Variants in ZNF385D observed in about 807,000 individuals in gnomAD.
ZNF385D encodes zinc finger protein 385D.
Under a neutral mutation model 35.8 loss-of-function variants are expected in ZNF385D, and 15 were observed. That is an observed-to-expected ratio of 0.42 (90% CI 0.28 to 0.64). The LOEUF is 0.64. Ranked by LOEUF, ZNF385D falls within the 30% of genes least tolerant of loss-of-function variation. The probability of loss-of-function intolerance (pLI) is 0.23; values close to 1 mark genes in which losing one functional copy is unlikely to be tolerated. For missense variants in ZNF385D, 474 were observed against 494.6 expected (o/e 0.96, Z 0.39); for synonymous variants, 212 against 186.8 (o/e 1.13, Z -1.10).
intron 3 of ZNF385D, among the ~76,000 whole-genome samples, chr3:21,920,603 G>T (rs1700408182): frequency 7.4e-6 from 1 of 134,260 alleles, no homozygotes; most frequent in Non-Finnish European, 1.6e-5. Flanking sequence ...TAAGAAGAGG[G>T]TTGATGATGA....
intron 3 of ZNF385D, among the ~76,000 whole-genome samples, chr3:22,000,543 CTCTG>C (rs1258739396): frequency 5.3e-5 from 8 of 151,976 alleles, no homozygotes; most frequent in African/African-American, 1.9e-4. Context: ...TTGGGGGTTG[CTCTG>C]TCTATGGAAT....
chr3:21,935,211 T>A (rs991880890), intron 3 of ZNF385D, among the ~76,000 whole-genome samples: 3 of 152,190 alleles, frequency 2.0e-5, no homozygotes, highest in Admixed American at 2.0e-4. Flanking sequence ...GCCATTGATA[T>A]TAGCAATTAA....
At chr3:21,721,434 A>G (rs1052288434) in intron 1 of ZNF385D, among the ~76,000 whole-genome samples, 2 of 152,108 alleles carry the variant, frequency 1.3e-5, no homozygotes, top group Non-Finnish European at 2.9e-5. Flanking sequence ...AGAAGAGAGC[A>G]TCAACATTTG....
intron 4 of ZNF385D, among the ~76,000 whole-genome samples, chr3:21,495,296 C>T (rs56179967): frequency 0.08 from 12,107 of 151,672 alleles, 515 homozygotes; most frequent in South Asian, 0.086. Flanking sequence ...TTCTTTCTAG[C>T]TTTACCTAAT....
chr3:22,268,872 T>TGG (rs2125357754), intron 2 of ZNF385D, among the ~76,000 whole-genome samples: 1 of 151,990 alleles, frequency 6.6e-6, no homozygotes, highest in South Asian at 2.1e-4. Flanking sequence ...TTTCCTTATC[T>TGG]GGAAAATAGT....
rs9871246 is a variant in ZNF385D at position 21,639,882 on chromosome 3, A to G, written c.165+25004T>C. Among the ~76,000 whole-genome samples the G allele has an allele frequency of 5.9e-3, 894 of 152,162 alleles. 10 individuals carry two copies. The highest frequency in any genetic ancestry group is 0.02 in the African/African-American group (818 of 41,548). Reference sequence around the variant, plus strand: ...AGAAATTCCTTTACCATACTATTGTAGTCCAGAAAAAAGAAAATTGAGACC... The same window carrying G: ...AGAAATTCCTTTACCATACTATTGTGGTCCAGAAAAAAGAAAATTGAGACC... On this transcript the variant is annotated intron_variant, in intron 2 of 7. Coordinates refer to ENST00000281523, the MANE Select transcript of ZNF385D (RefSeq NM_024697.3).
At chr3:21,575,428 C>T (rs970881908) in intron 2 of ZNF385D, among the ~76,000 whole-genome samples, 3 of 152,146 alleles carry the variant, frequency 2.0e-5, no homozygotes, top group African/African-American at 4.8e-5. Flanking sequence ...TAAATCAGGT[C>T]AAACCCAAAT....
intron 3 of ZNF385D, among the ~76,000 whole-genome samples, chr3:21,834,446 A>C (rs577295708): frequency 6.6e-6 from 1 of 152,242 alleles, no homozygotes; most frequent in South Asian, 2.1e-4. Flanking sequence ...TTCTTTCACA[A>C]AATTTGAATA....
intron 3 of ZNF385D, among the ~76,000 whole-genome samples, chr3:22,129,281 A>G (rs1703633099): frequency 6.6e-6 from 1 of 152,168 alleles, no homozygotes; most frequent in South Asian, 2.1e-4. Context: ...GTGCCTCGTC[A>G]TACCTGAAAC....
intron 3 of ZNF385D, among the ~76,000 whole-genome samples, chr3:21,766,296 G>C (rs1394729778): frequency 6.6e-6 from 1 of 152,048 alleles, no homozygotes; most frequent in Non-Finnish European, 1.5e-5. Context: ...TGTATGTTTT[G>C]ATGGTCAAAC....
At chr3:22,345,539 A>G (rs1695619372) in intron 2 of ZNF385D, among the ~76,000 whole-genome samples, 1 of 152,232 alleles carries the variant, frequency 6.6e-6, no homozygotes, top group South Asian at 2.1e-4. Flanking sequence ...AGACAGGCAC[A>G]TCCCCTGCTA....
chr3:22,026,051 G>A (rs1426640579), intron 3 of ZNF385D, among the ~76,000 whole-genome samples: 1 of 152,118 alleles, frequency 6.6e-6, no homozygotes, highest in Non-Finnish European at 1.5e-5. Context: ...GACTCGAGTA[G>A]AGCTCTGGCA....
chr3:21,796,379 A>T (rs2072151693), intron 3 of ZNF385D, among the ~76,000 whole-genome samples: 1 of 152,218 alleles, frequency 6.6e-6, no homozygotes, highest in Non-Finnish European at 1.5e-5. Context: ...TAAATGCAAA[A>T]ATCCTCAACA....
At chr3:22,114,952 C>T (rs1702733577) in intron 3 of ZNF385D, among the ~76,000 whole-genome samples, 1 of 152,054 alleles carries the variant, frequency 6.6e-6, no homozygotes, top group African/African-American at 2.4e-5. Context: ...TCAACAGACA[C>T]TAAATGCTAG....
intron 3 of ZNF385D, among the ~76,000 whole-genome samples, chr3:22,020,945 T>TA (rs749202835): frequency 1.3e-5 from 2 of 151,946 alleles, no homozygotes; most frequent in Non-Finnish European, 2.9e-5. Context: ...TATTAATCCA[T>TA]AAAAAAGATG....
chr3:21,749,278 T>C (rs2069938205), intron 1 of ZNF385D, among the ~76,000 whole-genome samples: 1 of 152,206 alleles, frequency 6.6e-6, no homozygotes, highest in African/African-American at 2.4e-5. Context: ...GCTAGCCCAC[T>C]GAACATTTCT....
chr3:21,973,619 A>C (rs2125347413), intron 3 of ZNF385D, among the ~76,000 whole-genome samples: 1 of 152,118 alleles, frequency 6.6e-6, no homozygotes. Context: ...GGAAAGGAAA[A>C]GGAAAGAAGT....
chr3:21,915,961 T>C (rs1700175488), intron 3 of ZNF385D, among the ~76,000 whole-genome samples: 1 of 152,106 alleles, frequency 6.6e-6, no homozygotes, highest in African/African-American at 2.4e-5. Flanking sequence ...AAAGCTAAAA[T>C]GGTTTCATCA....
rs544660818 is a variant in ZNF385D at position 21,714,047 on chromosome 3, T to A, written c.22+36848A>T. 4.6e-5 allele frequency among the ~76,000 whole-genome samples: 7 copies of A among 152,290 alleles called. No homozygotes were observed. The South Asian group carries it at 1.5e-3, about 32-fold the overall frequency. ...ACACATCCTCAACCCTCTAACACTT[T>A]ATTGGTTCTTTGCTCCCTTGGCTAA... On this transcript the variant is annotated intron_variant, in intron 1 of 7. Coordinates refer to ENST00000281523, the MANE Select transcript of ZNF385D (RefSeq NM_024697.3).
Sources: gnomAD v4.1 joint callset for allele counts (sites outside exome capture counted in the v4.1 genomes callset) on GRCh38, gnomAD v4.1.1 for gene constraint, MANE v1.5 for transcripts, NCBI Gene and HGNC (gene_info 2026-07-23, HGNC 2026-07-21) for gene names.